IPO11: variants seen among roughly 807,000 people sequenced by gnomAD.
The protein encoded by IPO11 is importin-11.
A neutral mutation model predicts 143.2 loss-of-function variants in IPO11; 66 were observed. That is an observed-to-expected ratio of 0.46 (90% CI 0.38 to 0.57). The LOEUF (loss-of-function observed/expected upper bound fraction) is 0.57. Ranked by LOEUF, IPO11 falls within the 20% of genes least tolerant of loss-of-function variation. The probability of loss-of-function intolerance (pLI) is 0.00; values close to 1 mark genes in which losing one functional copy is unlikely to be tolerated. For synonymous variants in IPO11, 385 were observed against 377.8 expected (o/e 1.02, Z -0.22); for missense variants, 1,026 against 1,141.0 (o/e 0.90, Z 1.45).
intron 29 of IPO11, among the ~76,000 whole-genome samples, chr5:62,610,563 T>C (rs778839826): frequency 6.6e-6 from 1 of 152,224 alleles, no homozygotes; most frequent in Non-Finnish European, 1.5e-5. Context: ...TATAAAAATG[T>C]GTGCAAATCC....
Position 62,561,159 on chromosome 5 carries a change from G to C in IPO11, c.2484G>C (p.Met828Ile), listed in dbSNP as rs146240342. ...NQEMDQLLGN[M>I]IEMWVDRMDN... ...AGATGGACCAGCTTTTGGGAAATAT[G>C]ATTGAAATGTGGGTTGATCGAATGG... The change falls in exon 27 of 30, where the codon ATG (methionine) becomes ATC (isoleucine). Residue 828 changes from methionine to isoleucine, a missense_variant. By Grantham distance (10) the Met-to-Ile change is conservative (BLOSUM62 1). Around this residue, in one of 5 missense-constraint regions of IPO11, gnomAD observed 351 missense variants for 358.9 expected, o/e 0.98. Transcript: ENST00000325324. 1 of 1,606,620 alleles carries C rather than the reference G, an allele frequency of 6.2e-7. No individual in the cohort carries two copies. Among genetic ancestry groups the C allele is most frequent in the Non-Finnish European group, 8.5e-7 (1 of 1,176,836 alleles).
intron 29 of IPO11, among the ~76,000 whole-genome samples, chr5:62,617,553 A>G (rs1580394437): frequency 1.3e-5 from 2 of 152,320 alleles, no homozygotes; most frequent in East Asian, 1.9e-4. Flanking sequence ...ATATTCTATT[A>G]CACTTTGTTA....
At chr5:62,554,067 C>T (rs537579850) in intron 26 of IPO11, among the ~76,000 whole-genome samples, 5 of 152,202 alleles carry the variant, frequency 3.3e-5, no homozygotes, top group South Asian at 4.2e-4. Context: ...GTTGGCCATT[C>T]GTATGTCTTC....
chr5:62,516,165 A>G (rs1383526947), intron 20 of IPO11, among the ~76,000 whole-genome samples: 2 of 152,392 alleles, frequency 1.3e-5, no homozygotes, highest in South Asian at 2.1e-4. Context: ...GGAAGAAATC[A>G]GAAGTATCCC....
chr5:62,435,275 C>T (rs190134738), intron 1 of IPO11, among the ~76,000 whole-genome samples: 131 of 147,798 alleles, frequency 8.9e-4, no homozygotes, highest in African/African-American at 3.2e-3. Context: ...TTTTTACATA[C>T]TTCTTTTTAC....
At chr5:62,624,940 G>A (rs958539883) in intron 29 of IPO11, among the ~76,000 whole-genome samples, 2 of 143,188 alleles carry the variant, frequency 1.4e-5, no homozygotes, top group Admixed American at 7.4e-5. Context: ...AGCCGAAATC[G>A]CGCCAGTGCA....
At chr5:62,454,830 A>G (rs1196856203) in intron 5 of IPO11, among the ~76,000 whole-genome samples, 2 of 152,216 alleles carry the variant, frequency 1.3e-5, no homozygotes, top group Non-Finnish European at 2.9e-5. Context: ...CTGTTAAGTG[A>G]ATGAACAATA....
At chr5:62,584,755 T>G (rs987666052) in intron 27 of IPO11, among the ~76,000 whole-genome samples, 1 of 151,560 alleles carries the variant, frequency 6.6e-6, no homozygotes, top group Non-Finnish European at 1.5e-5. Context: ...TTTTTGTTTT[T>G]TTTTTTTAAG....
chr5:62,599,794 A>G (rs1745432528), intron 28 of IPO11, among the ~76,000 whole-genome samples: 1 of 152,222 alleles, frequency 6.6e-6, no homozygotes, highest in South Asian at 2.1e-4. Context: ...TGCACAGTCT[A>G]CACACTTCAG....
intron 5 of IPO11, among the ~76,000 whole-genome samples, chr5:62,462,884 C>CTT (rs36024537): frequency 9.8e-5 from 14 of 142,252 alleles, no homozygotes; most frequent in Middle Eastern, 3.8e-3. Context: ...TGTCACCATC[C>CTT]TTTTTTTTTT....
intron 1 of IPO11, among the ~76,000 whole-genome samples, chr5:62,435,182 A>ATATATG (rs1561309119): frequency 4.9e-5 from 5 of 101,052 alleles, no homozygotes; most frequent in African/African-American, 1.8e-4. Flanking sequence ...GTATATATGT[A>ATATATG]TATATATGTA....
At chr5:62,573,827 AGTATTGTACAT>A (rs1744225726) in intron 27 of IPO11, among the ~76,000 whole-genome samples, 1 of 152,220 alleles carries the variant, frequency 6.6e-6, no homozygotes, top group African/African-American at 2.4e-5. Flanking sequence ...ATGCCCCTGC[AGTATTGTACAT>A]ATACCTCTCA....
Position 62,474,582 on chromosome 5 carries a change from C to A in IPO11, c.757+118C>A, listed in dbSNP as rs552234408. 6 of 722,854 alleles carry A rather than the reference C, an allele frequency of 8.3e-6. No homozygotes were observed. The South Asian group carries it at 1.1e-4, about 13-fold the overall frequency. The allele number at this position is 722,854 out of a possible 1,614,324, so 44.8% of individuals were successfully genotyped here. On this transcript the variant is annotated intron_variant, in intron 8 of 29. Transcript: ENST00000325324. The stretch of plus-strand genomic sequence containing the variant: ...ATAGATGCTTATTCATTAATAGCTT[C>A]TGTTGCACACTTATAAATCTAGAGA...
At chr5:62,469,289 T>A (rs1250100403) in intron 6 of IPO11, among the ~76,000 whole-genome samples, 1 of 152,192 alleles carries the variant, frequency 6.6e-6, no homozygotes, top group African/African-American at 2.4e-5. Context: ...ATCGTTATGA[T>A]GCAGCAACTT....
chr5:62,572,341 G>T (rs929056451), intron 27 of IPO11, among the ~76,000 whole-genome samples: 1 of 152,058 alleles, frequency 6.6e-6, no homozygotes, highest in Non-Finnish European at 1.5e-5. Context: ...TAGAAATCAA[G>T]TGCATTTATT....
At chr5:62,582,829 T>C (rs1344304301) in intron 27 of IPO11, among the ~76,000 whole-genome samples, 1 of 152,196 alleles carries the variant, frequency 6.6e-6, no homozygotes, top group Non-Finnish European at 1.5e-5. Context: ...TTAGGGATTA[T>C]AGTAAGTGCC....
At chr5:62,590,701 A>G (rs1210812763) in intron 27 of IPO11, among the ~76,000 whole-genome samples, 1 of 152,082 alleles carries the variant, frequency 6.6e-6, no homozygotes, top group Non-Finnish European at 1.5e-5. Context: ...TCCTTCTTGG[A>G]CGTTATAAAA....
At chr5:62,626,516 A>G (rs1746586790) in intron 29 of IPO11, among the ~76,000 whole-genome samples, 1 of 152,180 alleles carries the variant, frequency 6.6e-6, no homozygotes, top group Non-Finnish European at 1.5e-5. Flanking sequence ...TTTTATGTAT[A>G]TGTATGTATG....
intron 16 of IPO11, among the ~76,000 whole-genome samples, chr5:62,499,614 C>T (rs991911996): frequency 1.8e-5 from 2 of 111,166 alleles, no homozygotes; most frequent in Non-Finnish European, 3.4e-5. Context: ...CTCGCTTTGT[C>T]GCCCAGGCTG....
Sources: allele counts gnomAD v4.1 joint callset (sites outside exome capture counted in the v4.1 genomes callset), GRCh38; gene constraint gnomAD v4.1.1; regional missense constraint gnomAD v4.1.1; transcripts MANE v1.5; gene names NCBI Gene and HGNC (gene_info 2026-07-23, HGNC 2026-07-21).